The following CTXN2 variants were observed in gnomAD, a reference collection of about 807,000 sequenced individuals.
The protein encoded by CTXN2 is cortexin-2.
In CTXN2, 3 loss-of-function variants were observed where a neutral mutation model predicts 5.7. That is an observed-to-expected ratio of 0.53 (90% CI 0.24 to 1.36). The LOEUF is 1.36. Among genes scored for constraint, CTXN2 ranks in the 40% most tolerant of loss-of-function variants. The pLI is 0.17. For synonymous variants in CTXN2, 38 were observed against 36.4 expected, an observed-to-expected ratio of 1.04 and a Z score of -0.16; for missense variants, 87 against 93.0, an observed-to-expected ratio of 0.94 and a Z score of 0.26.
upstream of CTXN2, among the ~76,000 whole-genome samples, chr15:48,188,538 T>A (rs1349287839): frequency 6.6e-6 from 1 of 152,180 alleles, no homozygotes; most frequent in Non-Finnish European, 1.5e-5. Context: ...GTAACAGCTC[T>A]GTAGTAGATA....
chr15:48,186,317 C>G (rs898757594), intron 1 of CTXN2, among the ~76,000 whole-genome samples: 2 of 152,202 alleles, frequency 1.3e-5, no homozygotes, highest in Non-Finnish European at 2.9e-5. Flanking sequence ...CAGAGCATCT[C>G]ATTTTCAATG....
In CTXN2 at chr15:48,201,427, C is replaced by G; in HGVS notation, c.127C>G (p.Leu43Val). ...TGGGATTTTGTGTATCTTCTTGGGACTTCTTATTATCCGATGCTTCAAAAT... is the reference window on the plus strand; with the variant it reads ...TGGGATTTTGTGTATCTTCTTGGGAGTTCTTATTATCCGATGCTTCAAAAT... ...FVGILCIFLG[L>V]LIIRCFKILL... Residue 43 changes from leucine to valine, a missense_variant, in exon 2 of 2, where the codon CTT becomes GTT. Physicochemically the swap from Leu to Val is conservative, Grantham distance 32. Coordinates refer to ENST00000417307, the MANE Select transcript of CTXN2 (RefSeq NM_001145668.2). The G allele has an allele frequency of 1.9e-6, 3 of 1,551,342 alleles. No homozygotes were observed. In the South Asian group the frequency reaches 3.6e-5, roughly 18 times the overall value.
At chr15:48,186,863 T>C (rs1157946949), upstream of CTXN2, among the ~76,000 whole-genome samples, 2 of 139,392 alleles carry the variant, frequency 1.4e-5, no homozygotes, top group Admixed American at 1.6e-4. Context: ...TGAGCAGAGA[T>C]CGAGCCACTG....
At chr15:48,180,104 T>A (rs1200951167) in intron 1 of CTXN2, among the ~76,000 whole-genome samples, 2 of 152,190 alleles carry the variant, frequency 1.3e-5, no homozygotes, top group Non-Finnish European at 2.9e-5. Flanking sequence ...AATTAAAAAA[T>A]TATTTACAAA....
chr15:48,185,353 T>C (rs904676557), intron 1 of CTXN2, among the ~76,000 whole-genome samples: 1 of 152,182 alleles, frequency 6.6e-6, no homozygotes, highest in African/African-American at 2.4e-5. Context: ...TAATGTAAGA[T>C]GTTAATAACA....
rs1390025601 is a variant in CTXN2, at chr15:48,201,374, T to C, written c.74T>C (p.Leu25Pro). Residue 25 changes from leucine (L) to proline (P), a missense_variant, in exon 2 of 2, where the codon CTG (leucine) becomes CCG (proline). Transcript: ENST00000417307. ...VNEVSAFSLT[L>P]EQKTGFAFVG... ...GAAGTATCAGCTTTCTCATTGACTC[T>C]GGAGCAAAAAACTGGCTTTGCTTTT... The C allele has an allele frequency of 3.9e-6, 6 of 1,551,280 alleles. No homozygotes were observed. The highest frequency in any genetic ancestry group is 2.6e-6 in the Non-Finnish European group (3 of 1,146,768).
At chr15:48,191,898 C>T in intron 1 of CTXN2, 45 bp downstream of exon 1, 1 of 448,890 alleles carries the variant, frequency 2.2e-6, no homozygotes, top group Non-Finnish European at 4.5e-6. Context: ...CCCTTCCCTC[C>T]GCATTAACTG....
chr15:48,187,420 G>A (rs1427506416), upstream of CTXN2, among the ~76,000 whole-genome samples: 1 of 131,768 alleles, frequency 7.6e-6, no homozygotes, highest in Non-Finnish European at 1.5e-5. Context: ...CCCAATGTTT[G>A]AATCAATAGC....
upstream of CTXN2, chr15:48,189,229 A>G (rs527918746): frequency 1.8e-4 from 27 of 152,354 alleles, no homozygotes; most frequent in South Asian, 2.3e-3. Context: ...GCAACCTTCA[A>G]AATGTAAGCA....
At chr15:48,188,615 T>C (rs931202526), upstream of CTXN2, among the ~76,000 whole-genome samples, 2 of 152,190 alleles carry the variant, frequency 1.3e-5, no homozygotes, top group Non-Finnish European at 2.9e-5. Flanking sequence ...GAGAGCATAA[T>C]GTCAAAGCAT....
chr15:48,180,585 C>T (rs1336613448), intron 1 of CTXN2, among the ~76,000 whole-genome samples: 2 of 152,224 alleles, frequency 1.3e-5, no homozygotes, highest in African/African-American at 4.8e-5. Context: ...CATCTCTGCT[C>T]ACTGCAAGCT....
intron 1 of CTXN2, among the ~76,000 whole-genome samples, chr15:48,184,442 T>C (rs2040728881): frequency 6.6e-6 from 1 of 152,138 alleles, no homozygotes; most frequent in African/African-American, 2.4e-5. Context: ...AATGGAAAGA[T>C]AAGCCACAGA....
upstream of CTXN2, among the ~76,000 whole-genome samples, chr15:48,186,769 G>A (rs780591356): frequency 4.6e-5 from 7 of 151,874 alleles, no homozygotes; most frequent in Non-Finnish European, 7.4e-5. Context: ...AATTAGCCAG[G>A]CCTGATGGCA....
chr15:48,183,915 G>A (rs750167210), intron 1 of CTXN2, among the ~76,000 whole-genome samples: 2 of 152,170 alleles, frequency 1.3e-5, no homozygotes, highest in Admixed American at 1.3e-4. Context: ...CTGGAAACTA[G>A]TATCAACAAC....
At chr15:48,191,634 A>C (rs1456587326), upstream of CTXN2, 1 of 443,722 alleles carries the variant, frequency 2.3e-6, no homozygotes, top group Non-Finnish European at 4.6e-6. Flanking sequence ...GCGCGCGCGC[A>C]CACGTACTTC....
intron 1 of CTXN2, among the ~76,000 whole-genome samples, chr15:48,181,866 A>G (rs541401614): frequency 1.2e-3 from 181 of 152,320 alleles, no homozygotes; most frequent in African/African-American, 4.2e-3. Context: ...CTGGATTTGA[A>G]GGCATGAAGT....
At chr15:48,180,823 TTTTG>T (rs1267281491) in intron 1 of CTXN2, among the ~76,000 whole-genome samples, 5 of 152,350 alleles carry the variant, frequency 3.3e-5, no homozygotes, top group East Asian at 1.9e-4. Context: ...GTTTTTTGTT[TTTTG>T]TTTGTTTGTT....
chr15:48,180,588 T>C (rs2040693189), intron 1 of CTXN2, among the ~76,000 whole-genome samples: 1 of 152,206 alleles, frequency 6.6e-6, no homozygotes, highest in Non-Finnish European at 1.5e-5. Flanking sequence ...CTCTGCTCAC[T>C]GCAAGCTCCA....
In CTXN2 at chr15:48,203,088, T is replaced by A. The variant is rs893236425; in HGVS notation, c.*1542T>A. 1.8e-5 allele frequency: 3 copies of A among 167,068 alleles called. No homozygotes were observed. The highest frequency in any genetic ancestry group is 7.2e-5 in the African/African-American group (3 of 41,446). The allele number at this position is 167,068 out of a possible 1,614,324, so 10.3% of individuals were successfully genotyped here. ...AATTTTGCAGAAGAGAAACTGAAGC[T>A]AAGAGAAATTAACTAGCTTCCCAAG... On this transcript the variant is annotated 3_prime_UTR_variant, in exon 2 of 2. Coordinates refer to ENST00000417307, the MANE Select transcript of CTXN2 (RefSeq NM_001145668.2).
Sources: allele counts gnomAD v4.1 joint callset (sites outside exome capture counted in the v4.1 genomes callset), GRCh38; gene constraint gnomAD v4.1.1; transcripts MANE v1.5; gene names NCBI Gene and HGNC (gene_info 2026-07-23, HGNC 2026-07-21).